The following PTPRE variants were observed in gnomAD, a reference collection of about 807,000 sequenced individuals.
PTPRE encodes the protein protein tyrosine phosphatase receptor type E, also known as receptor-type tyrosine-protein phosphatase epsilon.
Under a neutral mutation model 102.0 loss-of-function variants are expected in PTPRE, and 51 were observed. The observed-to-expected ratio is 0.50, with a 90% CI of 0.40 to 0.63. PTPRE has a LOEUF of 0.63. PTPRE is among the 30% of genes least tolerant of loss of function. The probability of loss-of-function intolerance (pLI) is 0.00; values close to 1 mark genes in which losing one functional copy is unlikely to be tolerated. For missense variants in PTPRE, 752 were observed against 915.1 expected, an observed-to-expected ratio of 0.82 and a Z score of 2.30; for synonymous variants, 345 against 348.2, an observed-to-expected ratio of 0.99 and a Z score of 0.10.
intron 10 of PTPRE, among the ~76,000 whole-genome samples, chr10:128,065,340 G>C (rs1247511921): frequency 2.0e-5 from 3 of 152,260 alleles, no homozygotes; most frequent in Admixed American, 2.0e-4. Context: ...AGATGAAGTA[G>C]ATCTTTTCCC....
chr10:127,910,997 ATC>A (rs1845832241), intron 1 of PTPRE, among the ~76,000 whole-genome samples: 1 of 152,152 alleles, frequency 6.6e-6, no homozygotes, highest in Non-Finnish European at 1.5e-5. Context: ...TGAGAGAAAC[ATC>A]TGAGCCTGGG....
intron 3 of PTPRE, among the ~76,000 whole-genome samples, chr10:128,043,312 A>G (rs1362228684): frequency 6.6e-6 from 1 of 152,190 alleles, no homozygotes; most frequent in Non-Finnish European, 1.5e-5. Flanking sequence ...GGGTGATGGG[A>G]GACAGTGACA....
intron 10 of PTPRE, among the ~76,000 whole-genome samples, chr10:128,063,596 A>T (rs1006368763): frequency 6.6e-6 from 1 of 152,258 alleles, no homozygotes; most frequent in Non-Finnish European, 1.5e-5. Context: ...ACGTTGGTAT[A>T]TTGAAGAAAT....
intron 9 of PTPRE, chr10:128,062,817 C>T: frequency 4.0e-6 from 2 of 504,514 alleles, no homozygotes; most frequent in South Asian, 6.1e-5. Flanking sequence ...CTCATCTGAA[C>T]CCTGCTTCTT....
intron 1 of PTPRE, among the ~76,000 whole-genome samples, chr10:127,940,559 TTCA>T (rs2135287921): frequency 6.6e-6 from 1 of 151,668 alleles, no homozygotes; most frequent in East Asian, 1.9e-4. Context: ...CATTCCTTCC[TTCA>T]TCAGGTGTTG....
chr10:128,013,419 G>A (rs903589196), intron 2 of PTPRE, among the ~76,000 whole-genome samples: 5 of 152,168 alleles, frequency 3.3e-5, no homozygotes, highest in South Asian at 2.1e-4. Context: ...ATCTTGGAGC[G>A]CCACTGGGGG....
chr10:127,946,091 G>A (rs1251948466), intron 1 of PTPRE, among the ~76,000 whole-genome samples: 1 of 152,082 alleles, frequency 6.6e-6, no homozygotes, highest in African/African-American at 2.4e-5. Flanking sequence ...GAGGTGGCTG[G>A]AGAAGAAGGT....
rs1259998337 is a variant in PTPRE at position 128,040,853 on chromosome 10, GC to G, written c.-7-20del. On this transcript the variant is annotated intron_variant, in intron 2 of 20. Transcript: ENST00000254667. Reference sequence around the variant, plus strand: ...ACAGCTGCTGCTGGATGACCTCTGAGCCTGTCCCTGCCTCTCTGCAGGTCCA... The same window carrying G: ...ACAGCTGCTGCTGGATGACCTCTGAGCTGTCCCTGCCTCTCTGCAGGTCCA... The G allele has an allele frequency of 6.9e-6, 11 of 1,601,422 alleles. No individual in the cohort carries two copies. In the Admixed American group the frequency reaches 1.7e-4, roughly 24 times the overall value.
chr10:128,046,298 A>G (rs1200973116), intron 3 of PTPRE, among the ~76,000 whole-genome samples: 1 of 152,142 alleles, frequency 6.6e-6, no homozygotes, highest in Non-Finnish European at 1.5e-5. Flanking sequence ...GAGCCCTCCC[A>G]GTGCCCGGAG....
At chr10:127,930,780 T>TTTTA (rs1175206639) in intron 1 of PTPRE, among the ~76,000 whole-genome samples, 2 of 151,896 alleles carry the variant, frequency 1.3e-5, no homozygotes, top group Non-Finnish European at 2.9e-5. Context: ...GTTATTTATT[T>TTTTA]TTTATTTATT....
chr10:128,044,019 C>T (rs569084665), intron 3 of PTPRE, among the ~76,000 whole-genome samples: 1 of 152,126 alleles, frequency 6.6e-6, no homozygotes, highest in Non-Finnish European at 1.5e-5. Context: ...ATACTTTTTA[C>T]AGTCCGTGAA....
At chr10:127,994,212 T>C (rs962576925) in intron 2 of PTPRE, among the ~76,000 whole-genome samples, 2 of 152,218 alleles carry the variant, frequency 1.3e-5, no homozygotes, top group African/African-American at 4.8e-5. Context: ...GTCAGAGCCC[T>C]GCAGGGTCCT....
At chr10:128,080,607 T>C (rs1851619798) in intron 20 of PTPRE, among the ~76,000 whole-genome samples, 1 of 152,214 alleles carries the variant, frequency 6.6e-6, no homozygotes, top group Non-Finnish European at 1.5e-5. Context: ...GTCTGGCCAA[T>C]ATATTCTATC....
intron 1 of PTPRE, among the ~76,000 whole-genome samples, chr10:127,931,806 T>C (rs998737608): frequency 1.3e-5 from 2 of 152,252 alleles, no homozygotes; most frequent in African/African-American, 4.8e-5. Context: ...CACATTTTAT[T>C]ACTGTTTATC....
chr10:128,067,136 C>A (rs1408364028), intron 11 of PTPRE, among the ~76,000 whole-genome samples: 1 of 120,736 alleles, frequency 8.3e-6, no homozygotes, highest in East Asian at 3.3e-4. Flanking sequence ...CACGTTCACA[C>A]ACACATGTGC....
intron 1 of PTPRE, among the ~76,000 whole-genome samples, chr10:127,948,011 C>T (rs1458884897): frequency 6.6e-6 from 1 of 152,146 alleles, no homozygotes; most frequent in Non-Finnish European, 1.5e-5. Flanking sequence ...CGAGCCACAC[C>T]GTGAAGGATG....
chr10:127,926,261 C>T (rs1847003778), intron 1 of PTPRE, among the ~76,000 whole-genome samples: 1 of 152,174 alleles, frequency 6.6e-6, no homozygotes, highest in African/African-American at 2.4e-5. Flanking sequence ...TTTAAATCTC[C>T]ACTGTAATCA....
At chr10:128,024,865 A>C (rs1290243318) in intron 2 of PTPRE, among the ~76,000 whole-genome samples, 2 of 152,200 alleles carry the variant, frequency 1.3e-5, no homozygotes, top group Non-Finnish European at 2.9e-5. Context: ...TGCAGTGTTT[A>C]TATAAGAAAG....
rs1330098607 is a variant in PTPRE at position 128,085,124 on chromosome 10, T to C, written c.*2218T>C. ...GGACGCAAGACTCTCCCCTCCACTG[T>C]CCGGGACAGCGTTCGCCCTTTAGCG... On this transcript the variant is annotated 3_prime_UTR_variant, in exon 21 of 21. Transcript: ENST00000254667. The C allele has an allele frequency of 2.2e-6, 1 of 456,142 alleles. No homozygotes were observed. The allele number at this position is 456,142 out of a possible 1,614,324, so 28.3% of individuals were successfully genotyped here.
Sources: gnomAD v4.1 joint callset for allele counts (sites outside exome capture counted in the v4.1 genomes callset) on GRCh38, gnomAD v4.1.1 for gene constraint, MANE v1.5 for transcripts, NCBI Gene and HGNC (gene_info 2026-07-23, HGNC 2026-07-21) for gene names.